KMT5A: variants seen among roughly 807,000 people sequenced by gnomAD.
KMT5A encodes N-lysine methyltransferase KMT5A.
A neutral mutation model predicts 40.6 loss-of-function variants in KMT5A; 6 were observed. The observed-to-expected ratio is 0.15, with a 90% CI of 0.08 to 0.29. The LOEUF (loss-of-function observed/expected upper bound fraction) is 0.29. Among genes scored for constraint, KMT5A ranks in the 10% least tolerant of loss-of-function variants. KMT5A has a pLI of 1.00. For synonymous variants in KMT5A, 153 were observed against 178.8 expected (o/e 0.86, Z 1.15); for missense variants, 308 against 459.1 (o/e 0.67, Z 3.01).
rs1029588569 is a variant in KMT5A at position 123,384,500 on chromosome 12, T to G, written c.10+292T>G. Among the ~76,000 whole-genome samples, 3 of 152,188 alleles carry G rather than the reference T, an allele frequency of 2.0e-5. No homozygotes were observed. Among genetic ancestry groups the G allele is most frequent in the Non-Finnish European group, 4.4e-5 (3 of 68,008 alleles). ...CAGCAGATCCATATGTCAGAGCTCTTTGGAAACTAAAGCGCAGGGCACCTC... is the reference window on the plus strand; with the variant it reads ...CAGCAGATCCATATGTCAGAGCTCTGTGGAAACTAAAGCGCAGGGCACCTC... On this transcript the variant is annotated intron_variant, in intron 1 of 7. Transcript: ENST00000402868. The surrounding 1 kb of genome is among the most constrained non-coding windows in gnomAD (Gnocchi z 5.7).
Position 123,389,413 on chromosome 12 carries a change from C to T in KMT5A, c.11-20C>T, listed in dbSNP as rs1877103940. On this transcript the variant is annotated intron_variant, in intron 1 of 7. Transcript: ENST00000402868. ...CCCTGAGCGCCCCCTCCCCCGCTTC[C>T]CCCGGGTCCCCTTCTCCAGGCAGGA... 1.9e-6 allele frequency: 2 copies of T among 1,049,956 alleles called. No homozygotes were observed. The highest frequency in any genetic ancestry group is 1.1e-6 in the Non-Finnish European group (1 of 873,916). 65.0% of individuals were successfully genotyped at this position (1,049,956 alleles called of 1,614,324 possible).
chr12:123,408,002 C>A lies in KMT5A; in HGVS notation c.*299C>A, dbSNP rs1878685568. On this transcript the variant is annotated 3_prime_UTR_variant, in exon 8 of 8. Transcript: ENST00000402868. ...CCCGTGCATGCAGTCAAAGACTCAG[C>A]ACAGGTTTTAGAGGAAATAGTCAAA... The A allele has an allele frequency of 3.0e-6, 1 of 334,838 alleles. No individual in the cohort carries two copies. The highest frequency in any genetic ancestry group is 5.6e-6 in the Non-Finnish European group (1 of 178,600). 20.7% of individuals were successfully genotyped at this position (334,838 alleles called of 1,614,324 possible).
In KMT5A at chr12:123,405,520, T is replaced by A; in HGVS notation, c.848+446T>A. On this transcript the variant is annotated intron_variant, in intron 7 of 7. Transcript: ENST00000402868. ...TGATGCAATTATCGCCTGCTTCCTTTTTTTTTTTTTTTTTTTTTTTTTTGA... is the reference window on the plus strand; with the variant it reads ...TGATGCAATTATCGCCTGCTTCCTTATTTTTTTTTTTTTTTTTTTTTTTGA... Among the ~76,000 whole-genome samples, 2 of 20,316 alleles carry A rather than the reference T, an allele frequency of 9.8e-5. 1 individual carries two copies. The highest frequency in any genetic ancestry group is 1.5e-4 in the Non-Finnish European group (2 of 13,106). The allele number at this position is 20,316 out of a possible 152,430, so 13.3% of individuals were successfully genotyped here.
In KMT5A at chr12:123,384,337, C is replaced by A; in HGVS notation, c.10+129C>A. 7.7e-7 allele frequency: 1 copy of A among 1,296,282 alleles called. No homozygotes were observed. The highest frequency in any genetic ancestry group is 1.1e-6 in the Non-Finnish European group (1 of 935,504). 80.3% of individuals were successfully genotyped at this position (1,296,282 alleles called of 1,614,324 possible). A position where few individuals can be genotyped will look rare whatever the true frequency, so the allele number is the denominator to read the frequency against. On this transcript the variant is annotated intron_variant, in intron 1 of 7. Transcript: ENST00000402868. This position sits in a 1 kb window ranked among gnomAD's most constrained non-coding sequence, Gnocchi z 5.7. ...GGCTCGGGGCAAGCTTGGGGACCCG[C>A]GTGGGGGGAGAGGGGGTGCTGCTGC... is the stretch of plus-strand genomic sequence containing the variant.
In KMT5A at chr12:123,408,860, G is replaced by C. The variant is rs1475483939; in HGVS notation, c.*1157G>C. The C allele has an allele frequency of 1.0e-4, 16 of 152,814 alleles. No homozygotes were observed. The Admixed American group carries it at 1.0e-3, about 10-fold the overall frequency. The allele number at this position is 152,814 out of a possible 1,614,324, so 9.5% of individuals were successfully genotyped here. On this transcript the variant is annotated 3_prime_UTR_variant, in exon 8 of 8. Coordinates refer to ENST00000402868, the MANE Select transcript of KMT5A (RefSeq NM_020382.7). ...GCCAGCCTCAGAAAGGCACCCAGGTGTGCAGGGGAGCACACAGGGCCCGGC... is the reference window on the plus strand; with the variant it reads ...GCCAGCCTCAGAAAGGCACCCAGGTCTGCAGGGGAGCACACAGGGCCCGGC...
At chr12:123,397,160 T>C (rs966697542) in intron 5 of KMT5A, among the ~76,000 whole-genome samples, 1 of 152,270 alleles carries the variant, frequency 6.6e-6, no homozygotes, top group Non-Finnish European at 1.5e-5. Flanking sequence ...AGCTGGCCTA[T>C]GCGGGCCTCC....
At position 123,384,937 on chromosome 12, in the gene KMT5A, G is replaced by T. The variant is rs1876784961; in HGVS notation, c.10+729G>T. Among the ~76,000 whole-genome samples, 1 of 152,120 alleles carries T rather than the reference G, an allele frequency of 6.6e-6. No individual in the cohort carries two copies. The highest frequency in any genetic ancestry group is 6.5e-5 in the Admixed American group (1 of 15,268). ...TCAGGACAGTGCCTCCCAGGTATGC[G>T]GCAAAGAGATCTCCAACCGCTTGGT... On this transcript the variant is annotated intron_variant, in intron 1 of 7. Coordinates refer to ENST00000402868, the MANE Select transcript of KMT5A (RefSeq NM_020382.7). The surrounding 1 kb of genome is among the most constrained non-coding windows in gnomAD (Gnocchi z 5.7).
chr12:123,399,563 C>A (rs980672573), intron 5 of KMT5A, among the ~76,000 whole-genome samples: 1 of 152,230 alleles, frequency 6.6e-6, no homozygotes, highest in Non-Finnish European at 1.5e-5. Flanking sequence ...TGCACACTTG[C>A]AATGAATGGG....
rs1185652034 is a variant in KMT5A at position 123,394,275 on chromosome 12, T to C, written c.290-772T>C. Reference sequence around the variant, plus strand: ...TCCGCCAGTACACTTGGCTAATTTTTGTATTTTTAGTAGAGATGGGGTTTA... The same window carrying C: ...TCCGCCAGTACACTTGGCTAATTTTCGTATTTTTAGTAGAGATGGGGTTTA... On this transcript the variant is annotated intron_variant, in intron 3 of 7. Coordinates refer to ENST00000402868, the MANE Select transcript of KMT5A (RefSeq NM_020382.7). Among the ~76,000 whole-genome samples, 3 of 151,888 alleles carry C rather than the reference T, an allele frequency of 2.0e-5. No homozygotes were observed. The East Asian group carries it at 5.8e-4, about 29-fold the overall frequency.
intron 3 of KMT5A, among the ~76,000 whole-genome samples, chr12:123,391,936 C>A (rs1245922157): frequency 1.3e-5 from 2 of 152,150 alleles, no homozygotes; most frequent in African/African-American, 2.4e-5. Context: ...GTACACAGGG[C>A]AATATTGTTT....
At chr12:123,396,617 T>C (rs181816235) in intron 5 of KMT5A, among the ~76,000 whole-genome samples, 185 bp downstream of exon 5, 8 of 152,324 alleles carry the variant, frequency 5.3e-5, no homozygotes, top group Non-Finnish European at 1.2e-4. Flanking sequence ...GTCCTGCCTT[T>C]CTGCTGGGGT....
chr12:123,385,893 C>T (rs1399641114), intron 1 of KMT5A, among the ~76,000 whole-genome samples: 1 of 152,060 alleles, frequency 6.6e-6, no homozygotes, highest in Non-Finnish European at 1.5e-5. Context: ...TAATAATTAC[C>T]ACTGAGGGCC....
Position 123,384,406 on chromosome 12 carries a change from A to G in KMT5A, c.10+198A>G, listed in dbSNP as rs552306365. 6.6e-6 allele frequency among the ~76,000 whole-genome samples: 1 copy of G among 152,220 alleles called. No homozygotes were observed. The highest frequency in any genetic ancestry group is 1.5e-5 in the Non-Finnish European group (1 of 67,990). ...CTTGCGGCTCCAGATGCCCCCAGAA[A>G]CCCTTCCCACTGCCGTGCTTCTGTT... On this transcript the variant is annotated intron_variant, in intron 1 of 7. Coordinates refer to ENST00000402868, the MANE Select transcript of KMT5A (RefSeq NM_020382.7). This position sits in a 1 kb window ranked among gnomAD's most constrained non-coding sequence, Gnocchi z 5.7.
intron 3 of KMT5A, 153 bp downstream of exon 3, chr12:123,390,939 G>C: frequency 1.1e-6 from 1 of 898,872 alleles, no homozygotes. Flanking sequence ...TGAAAGAATG[G>C]CTTGTCCCAG....
At chr12:123,398,425 AGGGTG>A (rs1277842336) in intron 5 of KMT5A, among the ~76,000 whole-genome samples, 7 of 152,140 alleles carry the variant, frequency 4.6e-5, no homozygotes, top group Non-Finnish European at 1.0e-4. Context: ...TGTGGACTTT[AGGGTG>A]GGGGGAGCCG....
Position 123,384,140 on chromosome 12 carries a change from G to C in KMT5A, c.-59G>C. On this transcript the variant is annotated 5_prime_UTR_variant, in exon 1 of 8. Transcript: ENST00000402868. This position sits in a 1 kb window ranked among gnomAD's most constrained non-coding sequence, Gnocchi z 5.7. ...CGGCGGAGCAGTTGGCTGAGTTGTT[G>C]CAACTTTTTTCGAAAGCTGGGTTTC... 1 of 1,608,120 alleles carries C rather than the reference G, an allele frequency of 6.2e-7. No individual in the cohort carries two copies. Among genetic ancestry groups the C allele is most frequent in the Non-Finnish European group, 8.5e-7 (1 of 1,177,132 alleles).
At chr12:123,395,384 C>CA in intron 4 of KMT5A, 118 bp downstream of exon 4, 1 of 1,019,644 alleles carries the variant, frequency 9.8e-7, no homozygotes, top group Non-Finnish European at 1.4e-6. Flanking sequence ...TCTCTCATGT[C>CA]AAAGACTCAG....
intron 6 of KMT5A, 152 bp from the exon 7 acceptor site, chr12:123,404,732 C>T: frequency 4.3e-6 from 3 of 698,132 alleles, no homozygotes; most frequent in Middle Eastern, 4.1e-4. Flanking sequence ...TCATAAAACC[C>T]ATCAGCCTGT....
At chr12:123,396,293 C>T in intron 4 of KMT5A, 52 bp from the exon 5 acceptor site, 2 of 1,571,124 alleles carry the variant, frequency 1.3e-6, no homozygotes, top group South Asian at 2.2e-5. Flanking sequence ...AGCTGTGTGC[C>T]TCCAGGTTTT....
Sources: allele counts gnomAD v4.1 joint callset (sites outside exome capture counted in the v4.1 genomes callset), GRCh38; gene constraint gnomAD v4.1.1; non-coding constraint Gnocchi (gnomAD v3.1); transcripts MANE v1.5; gene names NCBI Gene and HGNC (gene_info 2026-07-23, HGNC 2026-07-21).